The following PLSCR4 variants were observed in gnomAD, a reference collection of about 807,000 sequenced individuals.
The protein encoded by PLSCR4 is Ca(2+)-dependent phospholipid scramblase 4.
A neutral mutation model predicts 36.3 loss-of-function variants in PLSCR4; 25 were observed. That is an observed-to-expected ratio of 0.69 (90% CI 0.50 to 0.96). The LOEUF (loss-of-function observed/expected upper bound fraction) is 0.96, where lower values mean the gene tolerates loss of function less well. Among genes scored for constraint, PLSCR4 ranks in the 40% least tolerant of loss-of-function variants. PLSCR4 has a pLI of 0.00. For synonymous variants in PLSCR4, 122 were observed against 132.9 expected, an observed-to-expected ratio of 0.92 and a Z score of 0.56; for missense variants, 408 against 414.7, an observed-to-expected ratio of 0.98 and a Z score of 0.14.
At chr3:146,200,678 G>T (rs150186700) in intron 5 of PLSCR4, among the ~76,000 whole-genome samples, 185 of 152,164 alleles carry the variant, frequency 1.2e-3, no homozygotes, top group African/African-American at 4.3e-3. Flanking sequence ...TCCTGATCTG[G>T]AGGTGATTAG....
chr3:146,241,748 A>C (rs762551271), intron 1 of PLSCR4, among the ~76,000 whole-genome samples: 4 of 152,218 alleles, frequency 2.6e-5, no homozygotes, highest in African/African-American at 4.8e-5. Flanking sequence ...TCACCCAGAC[A>C]GACCACATTC....
At chr3:146,228,087 GT>G (rs1475898698) in intron 1 of PLSCR4, among the ~76,000 whole-genome samples, 1 of 152,174 alleles carries the variant, frequency 6.6e-6, no homozygotes, top group South Asian at 2.1e-4. Flanking sequence ...CTGTTCTTAG[GT>G]TATCCTGTTA....
intron 7 of PLSCR4, among the ~76,000 whole-genome samples, chr3:146,196,212 A>G (rs1467611346): frequency 2.6e-5 from 4 of 152,146 alleles, no homozygotes; most frequent in South Asian, 4.1e-4. Context: ...TATCCTGCAA[A>G]TAAGTATTTC....
intron 1 of PLSCR4, among the ~76,000 whole-genome samples, chr3:146,241,756 T>C (rs2036157865): frequency 6.6e-6 from 1 of 152,194 alleles, no homozygotes; most frequent in Non-Finnish European, 1.5e-5. Context: ...ACAGACCACA[T>C]TCTGGCTCAT....
In PLSCR4 at chr3:146,251,051, A is replaced by G. The variant is rs144604416; in HGVS notation, c.-113T>C. 1,526 of 152,748 alleles carry G rather than the reference A, an allele frequency of 1.0e-2. 19 individuals are homozygous for G. The highest frequency in any genetic ancestry group is 0.035 in the African/African-American group (1,442 of 41,580). The allele number at this position is 152,748 out of a possible 1,614,324, so 9.5% of individuals were successfully genotyped here. A position where few individuals can be genotyped will look rare whatever the true frequency, so the allele number is the denominator to read the frequency against. Reference sequence around the variant, plus strand: ...AAAGGGAAAGGAAAGGAGGCAGGGAAGGGAGACGGAGAGGATTTTTCAAGT... The same window carrying G: ...AAAGGGAAAGGAAAGGAGGCAGGGAGGGGAGACGGAGAGGATTTTTCAAGT... On this transcript the variant is annotated 5_prime_UTR_variant, in exon 1 of 9. Transcript: ENST00000354952.
chr3:146,193,018 A>C lies in PLSCR4; in HGVS notation c.*1393T>G, dbSNP rs573986776. ...TTCTTTATTTAATAAGCAGCAGCAG[A>C]AGAATACATCCCATTCTACATACTG... On this transcript the variant is annotated 3_prime_UTR_variant, in exon 9 of 9. Transcript: ENST00000354952. The C allele has an allele frequency of 1.5e-4, 23 of 150,894 alleles. No individual in the cohort carries two copies. The highest frequency in any genetic ancestry group is 3.7e-4 in the African/African-American group (15 of 40,880). The allele number at this position is 150,894 out of a possible 1,614,324, so 9.3% of individuals were successfully genotyped here.
intron 3 of PLSCR4, among the ~76,000 whole-genome samples, chr3:146,219,743 C>T (rs954043099): frequency 6.6e-6 from 1 of 152,040 alleles, no homozygotes; most frequent in Non-Finnish European, 1.5e-5. Context: ...ATGGAAAAAC[C>T]TTGTCTCTAC....
chr3:146,239,888 A>C (rs2036076948), intron 1 of PLSCR4, among the ~76,000 whole-genome samples: 1 of 151,876 alleles, frequency 6.6e-6, no homozygotes, highest in African/African-American at 2.4e-5. Flanking sequence ...TATCTCAAAA[A>C]AAGAAAAAAA....
chr3:146,200,586 G>A (rs1222420753), intron 5 of PLSCR4, among the ~76,000 whole-genome samples: 1 of 152,032 alleles, frequency 6.6e-6, no homozygotes, highest in Non-Finnish European at 1.5e-5. Context: ...TCCAAAGCGA[G>A]GGCACTGCAC....
rs76945537 is a variant in PLSCR4, at chr3:146,197,398, C to G, written c.625-605G>C. Among the ~76,000 whole-genome samples, 493 of 152,248 alleles carry G rather than the reference C, an allele frequency of 3.2e-3. 6 individuals are homozygous for G. The highest frequency in any genetic ancestry group is 0.016 in the East Asian group (85 of 5,172). On this transcript the variant is annotated intron_variant, in intron 6 of 8. Transcript: ENST00000354952. ...CTGCTTGCTGTGCTGTAAAACGGTC[C>G]TCTGTCTCCTTCCTAGGAGTCTCAT...
At chr3:146,224,726 C>T (rs368077096) in intron 1 of PLSCR4, among the ~76,000 whole-genome samples, 23 of 152,196 alleles carry the variant, frequency 1.5e-4, no homozygotes, top group African/African-American at 5.3e-4. Context: ...CTTTTATTCT[C>T]TTATCTGGCC....
chr3:146,203,699 T>C (rs1166066866), intron 4 of PLSCR4, among the ~76,000 whole-genome samples: 1 of 152,012 alleles, frequency 6.6e-6, no homozygotes, highest in African/African-American at 2.4e-5. Flanking sequence ...CTTCCTCACC[T>C]TTCTCAGCCT....
At chr3:146,235,886 T>C (rs138859880) in intron 1 of PLSCR4, among the ~76,000 whole-genome samples, 120 of 152,238 alleles carry the variant, frequency 7.9e-4, no homozygotes, top group African/African-American at 2.7e-3. Context: ...GCCCTAGAGA[T>C]CTGTGAGACT....
chr3:146,200,289 T>C (rs1047448822), intron 5 of PLSCR4, among the ~76,000 whole-genome samples: 2 of 152,064 alleles, frequency 1.3e-5, no homozygotes, highest in African/African-American at 4.8e-5. Flanking sequence ...AAAGAAAAGA[T>C]TGAAACAACC....
intron 1 of PLSCR4, among the ~76,000 whole-genome samples, chr3:146,226,207 G>A (rs575463060): frequency 2.6e-4 from 39 of 152,260 alleles, no homozygotes; most frequent in African/African-American, 9.4e-4. Flanking sequence ...AGGGTGATAA[G>A]AACAAGGCTA....
At chr3:146,225,082 A>T (rs145918274) in intron 1 of PLSCR4, among the ~76,000 whole-genome samples, 2,183 of 152,014 alleles carry the variant, frequency 0.014, 49 homozygotes, top group African/African-American at 0.05. Context: ...TGAGATAGAC[A>T]TAAAGGTTCT....
Position 146,192,939 on chromosome 3 carries a change from AC to A in PLSCR4, c.*1471del, listed in dbSNP as rs1466091472. ...CAAAGCACCTTTCATTTCAAAAAGA[AC>A]TGTAGGCTAAGACCCTCATCTCAGA... is the stretch of plus-strand genomic sequence containing the variant. On this transcript the variant is annotated 3_prime_UTR_variant, in exon 9 of 9. Coordinates refer to ENST00000354952, the MANE Select transcript of PLSCR4 (RefSeq NM_020353.3). The A allele has an allele frequency of 1.3e-5, 2 of 152,162 alleles. No homozygotes were observed. The highest frequency in any genetic ancestry group is 4.8e-5 in the African/African-American group (2 of 41,446). The allele number at this position is 152,162 out of a possible 1,614,324, so 9.4% of individuals were successfully genotyped here.
At chr3:146,221,626 T>C (rs1030468514) in intron 2 of PLSCR4, among the ~76,000 whole-genome samples, 12 of 152,176 alleles carry the variant, frequency 7.9e-5, no homozygotes, top group Non-Finnish European at 1.2e-4. Context: ...TTTTATCTCC[T>C]AGCAAACAAA....
rs2034946773 is a variant in PLSCR4 at position 146,217,367 on chromosome 3, C to T, written c.118+3448G>A. Among the ~76,000 whole-genome samples, 2 of 152,192 alleles carry T rather than the reference C, an allele frequency of 1.3e-5. 1 individual carries two copies. Among genetic ancestry groups the T allele is most frequent in the South Asian group, 4.1e-4 (2 of 4,834 alleles). ...GCAAACGGACAAGAACAGGCAGGTG[C>T]ATAGAGGAGGCTCACTACTGCAGGA... On this transcript the variant is annotated intron_variant, in intron 3 of 8. Transcript: ENST00000354952.
Sources: gnomAD v4.1 joint callset for allele counts (sites outside exome capture counted in the v4.1 genomes callset) on GRCh38, gnomAD v4.1.1 for gene constraint, MANE v1.5 for transcripts, NCBI Gene and HGNC (gene_info 2026-07-23, HGNC 2026-07-21) for gene names.